SNRPN: variants seen among roughly 807,000 people sequenced by gnomAD.
SNRPN encodes the protein small nuclear ribonucleoprotein-associated protein N.
Under a neutral mutation model 25.2 loss-of-function variants are expected in SNRPN, and 7 were observed. The observed-to-expected ratio is 0.28, with a 90% confidence interval of 0.16 to 0.52. The LOEUF (loss-of-function observed/expected upper bound fraction) is 0.52. Among genes scored for constraint, SNRPN ranks in the 20% least tolerant of loss-of-function variants. The probability of loss-of-function intolerance (pLI) is 0.96; values close to 1 mark genes in which losing one functional copy is unlikely to be tolerated. For missense variants in SNRPN, 196 were observed against 322.5 expected, an observed-to-expected ratio of 0.61 and a Z score of 3.00; for synonymous variants, 124 against 110.6, an observed-to-expected ratio of 1.12 and a Z score of -0.76.
At chr15:24,919,130 G>A (rs1350399664) in intron 2 of SNRPN, among the ~76,000 whole-genome samples, 3 of 150,208 alleles carry the variant, frequency 2.0e-5, no homozygotes, top group East Asian at 2.0e-4. Context: ...ATGTGTGTGC[G>A]TTAAAAAGTT....
rs539097292 is a variant in SNRPN, at chr15:24,890,553, C to T, written c.-505+3964C>T. On this transcript the variant is annotated intron_variant, in intron 2 of 11. Coordinates refer to the SNRPN transcript ENST00000400097. Reference sequence around the variant, plus strand: ...AACTAGCTGGGTGTGGTGGCACAAGCCTGTAGTCCCAGCTACTCAGGAGGC... The same window carrying T: ...AACTAGCTGGGTGTGGTGGCACAAGTCTGTAGTCCCAGCTACTCAGGAGGC... 4.6e-4 allele frequency among the ~76,000 whole-genome samples: 70 copies of T among 152,238 alleles called. No individual in the cohort carries two copies. The East Asian group carries it at 0.013, about 28-fold the overall frequency.
At chr15:24,848,375 G>A (rs1409130725) in intron 2 of SNRPN, 2 of 152,342 alleles carry the variant, frequency 1.3e-5, no homozygotes, top group East Asian at 3.9e-4. Flanking sequence ...CGGTTATGGC[G>A]CCCGCTGGGA....
chr15:24,866,592 T>C (rs991492987), intron 1 of SNRPN, among the ~76,000 whole-genome samples: 1 of 152,146 alleles, frequency 6.6e-6, no homozygotes, highest in African/African-American at 2.4e-5. Flanking sequence ...ATAAGACTTA[T>C]GTTTTTAACT....
At chr15:24,944,478 A>T (rs2061759024) in intron 3 of SNRPN, among the ~76,000 whole-genome samples, 1 of 152,150 alleles carries the variant, frequency 6.6e-6, no homozygotes, top group Non-Finnish European at 1.5e-5. Flanking sequence ...TGGGTGGATC[A>T]CCTGAGGTCA....
At chr15:24,940,706 C>T (rs1369517261) in intron 3 of SNRPN, among the ~76,000 whole-genome samples, 3 of 151,896 alleles carry the variant, frequency 2.0e-5, no homozygotes, top group Non-Finnish European at 2.9e-5. Context: ...GTGCTGTAGG[C>T]GGTGTCTAAG....
intron 1 of SNRPN, among the ~76,000 whole-genome samples, chr15:24,882,697 C>T (rs1299139933): frequency 6.6e-6 from 1 of 151,710 alleles, no homozygotes; most frequent in Non-Finnish European, 1.5e-5. Context: ...TGGTGGTGCA[C>T]ATCTGTAATC....
intron 1 of SNRPN, among the ~76,000 whole-genome samples, chr15:24,862,039 A>C (rs1265324113): frequency 1.3e-5 from 2 of 150,926 alleles, no homozygotes; most frequent in African/African-American, 5.0e-5. Context: ...CCTGTTCTGT[A>C]AGTGTTGCTG....
chr15:24,839,256 G>T (rs1401918469), intron 2 of SNRPN, among the ~76,000 whole-genome samples: 3 of 151,978 alleles, frequency 2.0e-5, no homozygotes, highest in Non-Finnish European at 4.4e-5. Context: ...AGATGACAGG[G>T]TGCATACAAA....
chr15:24,955,094 C>G (rs1397942619), intron 1 of SNRPN, 32 bp downstream of exon 1: 1 of 1,613,424 alleles, frequency 6.2e-7, no homozygotes. Context: ...TCTCAAGAGA[C>G]AGCCTGGGGA....
intron 3 of SNRPN, among the ~76,000 whole-genome samples, chr15:24,934,874 G>A (rs1246270091): frequency 2.6e-5 from 4 of 152,128 alleles, no homozygotes; most frequent in Non-Finnish European, 5.9e-5. Flanking sequence ...GATTTATATG[G>A]CCAGATGGGG....
chr15:24,975,534 G>A (rs2076959543), intron 5 of SNRPN, 25 bp downstream of exon 5: 1 of 1,605,030 alleles, frequency 6.2e-7, no homozygotes, highest in East Asian at 2.2e-5. Context: ...GGCAAATGGG[G>A]GTTGGACACA....
Position 24,884,248 on chromosome 15 carries a change from C to T in SNRPN, c.-578-2268C>T, listed in dbSNP as rs573703736. On this transcript the variant is annotated intron_variant, in intron 1 of 11. Transcript: ENST00000400097. ...ACTTGAAAGGTTGAGGTGGGAGGAT[C>T]GCTTGAGCCCAGAAGGTCAAGGCTG... 4.0e-5 allele frequency among the ~76,000 whole-genome samples: 6 copies of T among 151,494 alleles called. No individual in the cohort carries two copies. The South Asian group carries it at 6.3e-4, about 16-fold the overall frequency.
At chr15:24,864,183 C>G (rs1165066548) in intron 1 of SNRPN, among the ~76,000 whole-genome samples, 1 of 143,272 alleles carries the variant, frequency 7.0e-6, no homozygotes, top group East Asian at 2.0e-4. Flanking sequence ...CCCACCACAA[C>G]GCCCGGCTAA....
At chr15:24,976,774 T>C in intron 6 of SNRPN, 103 bp from the exon 7 acceptor site, 1 of 987,944 alleles carries the variant, frequency 1.0e-6, no homozygotes, top group Non-Finnish European at 1.6e-6. Context: ...TAATATGAGA[T>C]AGGTGTCATG....
At chr15:24,823,964 G>C (rs145383331) in intron 1 of SNRPN, 1 of 151,914 alleles carries the variant, frequency 6.6e-6, no homozygotes, top group Admixed American at 6.6e-5. Flanking sequence ...TTTCATTCCT[G>C]TATTTTAAAA....
chr15:24,940,983 GT>G (rs759997484), intron 3 of SNRPN, among the ~76,000 whole-genome samples: 1 of 152,002 alleles, frequency 6.6e-6, no homozygotes, highest in Non-Finnish European at 1.5e-5. Flanking sequence ...GTTTTCTTTT[GT>G]TTTTGTTTTT....
chr15:24,961,852 T>A (rs987188140), intron 1 of SNRPN, among the ~76,000 whole-genome samples: 1 of 152,000 alleles, frequency 6.6e-6, no homozygotes, highest in Non-Finnish European at 1.5e-5. Flanking sequence ...CAAATAGAGG[T>A]AGATATATTA....
intron 7 of SNRPN, among the ~76,000 whole-genome samples, chr15:24,977,433 G>T (rs1449375451): frequency 6.6e-6 from 1 of 152,142 alleles, no homozygotes; most frequent in Non-Finnish European, 1.5e-5. Context: ...GAGGTCAGGA[G>T]TTCGACACCA....
intron 2 of SNRPN, among the ~76,000 whole-genome samples, chr15:24,845,942 G>A (rs540563858): frequency 4.5e-4 from 69 of 151,958 alleles, no homozygotes; most frequent in Non-Finnish European, 7.5e-4. Context: ...AAAATTAGCC[G>A]AGCGTGGTGG....
Sources: gnomAD v4.1 joint callset for allele counts (sites outside exome capture counted in the v4.1 genomes callset) on GRCh38, gnomAD v4.1.1 for gene constraint, MANE v1.5 for transcripts, NCBI Gene and HGNC (gene_info 2026-07-23, HGNC 2026-07-21) for gene names.